The following ITGAD variants were observed in gnomAD, a reference collection of about 807,000 sequenced individuals.
ITGAD encodes the protein integrin alpha-D.
ITGAD carries 105 observed loss-of-function variants against 139.0 expected under a neutral mutation model. That is an observed-to-expected ratio of 0.76 (90% CI 0.65 to 0.89). ITGAD has a LOEUF of 0.89. Ranked by LOEUF, ITGAD falls within the 40% of genes least tolerant of loss-of-function variation. The probability of loss-of-function intolerance (pLI) is 0.00; values close to 1 mark genes in which losing one functional copy is unlikely to be tolerated. For synonymous variants in ITGAD, 569 were observed against 598.3 expected, an observed-to-expected ratio of 0.95 and a Z score of 0.71; for missense variants, 1,384 against 1,487.3, an observed-to-expected ratio of 0.93 and a Z score of 1.14.
chr16:31,420,031 A>T (rs2081978179), intron 23 of ITGAD, among the ~76,000 whole-genome samples: 1 of 152,088 alleles, frequency 6.6e-6, no homozygotes. Flanking sequence ...TTTTAACATG[A>T]AACAAATTCT....
At chr16:31,425,339 G>A (rs951068097) in intron 29 of ITGAD, among the ~76,000 whole-genome samples, 1 of 152,172 alleles carries the variant, frequency 6.6e-6, no homozygotes, top group Non-Finnish European at 1.5e-5. Flanking sequence ...CCAAACTGCT[G>A]GGTTTACAGG....
chr16:31,425,225 C>G (rs1028625924), intron 29 of ITGAD, among the ~76,000 whole-genome samples: 2 of 152,122 alleles, frequency 1.3e-5, no homozygotes, highest in Non-Finnish European at 2.9e-5. Flanking sequence ...GCACACACCA[C>G]CACACCTGGC....
chr16:31,412,716 C>T, intron 14 of ITGAD, 122 bp from the exon 15 acceptor site: 2 of 1,215,294 alleles, frequency 1.6e-6, no homozygotes. Flanking sequence ...TTGGTGACAT[C>T]TGTTCACAGC....
At chr16:31,395,721 G>A (rs2081249517) in intron 2 of ITGAD, among the ~76,000 whole-genome samples, 1 of 152,102 alleles carries the variant, frequency 6.6e-6, no homozygotes, top group African/African-American at 2.4e-5. Flanking sequence ...AAGTCACAAT[G>A]TGACACAGGT....
chr16:31,412,756 T>A, intron 14 of ITGAD, 82 bp from the exon 15 acceptor site: 1 of 1,569,214 alleles, frequency 6.4e-7, no homozygotes, highest in Non-Finnish European at 8.7e-7. Context: ...GCCACCATCC[T>A]ACCTCCATAT....
intron 2 of ITGAD, among the ~76,000 whole-genome samples, chr16:31,396,238 G>A (rs2142571297): frequency 6.6e-6 from 1 of 152,328 alleles, no homozygotes; most frequent in Non-Finnish European, 1.5e-5. Context: ...TTGGGAGGCT[G>A]AGGCGGGTGG....
intron 18 of ITGAD, among the ~76,000 whole-genome samples, chr16:31,415,694 G>A (rs541451418): frequency 1.9e-3 from 286 of 152,052 alleles, no homozygotes; most frequent in African/African-American, 6.5e-3. Flanking sequence ...TTCTCTCCCC[G>A]TTTTCCCCCG....
intron 9 of ITGAD, 60 bp from the exon 10 acceptor site, chr16:31,408,365 G>A: frequency 7.0e-7 from 1 of 1,426,028 alleles, no homozygotes; most frequent in Non-Finnish European, 9.9e-7. Flanking sequence ...TCCTCCCTGT[G>A]TTCTGAGTCC....
At chr16:31,394,362 T>C (rs1213662710) in intron 2 of ITGAD, 21 bp downstream of exon 2, 1 of 1,563,144 alleles carries the variant, frequency 6.4e-7, no homozygotes, top group Admixed American at 1.7e-5. Context: ...CTCACCCTCC[T>C]TCCCCAACCT....
rs774867277 is a variant in ITGAD, at chr16:31,410,870, G to C, written c.1348G>C (p.Gly450Arg). ...RQWRKKAEVT[G>R]TQIGSYFGAS... ...ATGGAGGAAGAAGGCCGAAGTCACAGGGACGCAGGTTGGGCGTGACAGGAG... is the reference window on the plus strand; with the variant it reads ...ATGGAGGAAGAAGGCCGAAGTCACACGGACGCAGGTTGGGCGTGACAGGAG... Residue 450 changes from glycine to arginine, a missense_variant, in exon 12 of 30, where the codon GGG becomes CGG. By Grantham distance (125) the Gly-to-Arg change is moderately radical. Transcript: ENST00000389202. 6.2e-6 allele frequency: 10 copies of C among 1,613,636 alleles called. No individual in the cohort carries two copies. The Admixed American group carries it at 1.5e-4, about 24-fold the overall frequency.
chr16:31,409,975 G>C (rs1317677707), intron 10 of ITGAD, among the ~76,000 whole-genome samples: 1 of 151,444 alleles, frequency 6.6e-6, no homozygotes, highest in Non-Finnish European at 1.5e-5. Context: ...AATGAGCTGA[G>C]TCCCAGAAAA....
At chr16:31,394,142 A>AAAAAAAAG (rs2081206529) in intron 1 of ITGAD, 94 bp from the exon 2 acceptor site, 4 of 560,016 alleles carry the variant, frequency 7.1e-6, no homozygotes, top group East Asian at 4.0e-5. Context: ...AAAAAAAAAA[A>AAAAAAAAG]AAAAAAAAGA....
In ITGAD at chr16:31,402,107, C is replaced by T. The variant is rs529959112; in HGVS notation, c.428-8C>T. 2.5e-6 allele frequency: 4 copies of T among 1,612,804 alleles called. No individual in the cohort carries two copies. Among genetic ancestry groups the T allele is most frequent in the Admixed American group, 1.7e-5 (1 of 59,964 alleles). On this transcript the variant is annotated splice_region_variant and splice_polypyrimidine_tract_variant and intron_variant, in intron 5 of 29. Transcript: ENST00000389202. Reference sequence around the variant, plus strand: ...GTGCATCTCCGATTCCTCCCCATTCCCCCACAGAGTGTCCACATCAAGAGA... The same window carrying T: ...GTGCATCTCCGATTCCTCCCCATTCTCCCACAGAGTGTCCACATCAAGAGA...
At chr16:31,419,232 G>A (rs1433507893) in intron 23 of ITGAD, among the ~76,000 whole-genome samples, 1 of 151,810 alleles carries the variant, frequency 6.6e-6, no homozygotes, top group Admixed American at 6.6e-5. Flanking sequence ...GTCAACAGTG[G>A]ACCCACATTT....
Position 31,426,248 on chromosome 16 carries a change from C to A in ITGAD, c.*120C>A, listed in dbSNP as rs1345410799. On this transcript the variant is annotated 3_prime_UTR_variant, in exon 30 of 30. Coordinates refer to ENST00000389202, the MANE Select transcript of ITGAD (RefSeq NM_005353.3). ...ACTGGCCTAAGCAACCTACCAGGTGCTAAGCACCTTCTCGGAGAGATAGAG... is the reference window on the plus strand; with the variant it reads ...ACTGGCCTAAGCAACCTACCAGGTGATAAGCACCTTCTCGGAGAGATAGAG... The A allele has an allele frequency of 1.3e-5, 9 of 674,114 alleles. No individual in the cohort carries two copies. In the Admixed American group the frequency reaches 2.0e-4, roughly 15 times the overall value. The allele number at this position is 674,114 out of a possible 1,614,324, so 41.8% of individuals were successfully genotyped here. A position where few individuals can be genotyped will look rare whatever the true frequency, so the allele number is the denominator to read the frequency against.
intron 10 of ITGAD, among the ~76,000 whole-genome samples, chr16:31,409,120 C>T (rs1189018124): frequency 2.0e-5 from 3 of 152,050 alleles, no homozygotes; most frequent in African/African-American, 7.2e-5. Flanking sequence ...TGGCGAAACC[C>T]CACCTCTACT....
chr16:31,425,922 C>A (rs1204238605), intron 29 of ITGAD, 93 bp from the exon 30 acceptor site: 1 of 769,314 alleles, frequency 1.3e-6, no homozygotes, highest in Non-Finnish European at 2.3e-6. Flanking sequence ...CTCAGGTGAT[C>A]CACCCTCCTC....
At chr16:31,409,114 G>A (rs866508422) in intron 10 of ITGAD, among the ~76,000 whole-genome samples, 3 of 152,166 alleles carry the variant, frequency 2.0e-5, no homozygotes, top group East Asian at 1.9e-4. Flanking sequence ...CCAACATGGC[G>A]AAACCCCACC....
At position 31,407,794 on chromosome 16, in the gene ITGAD, CCAG is replaced by C; in HGVS notation, c.888_890del (p.Arg297del). On this transcript the variant is annotated inframe_deletion, in exon 9 of 30. Coordinates refer to ENST00000389202, the MANE Select transcript of ITGAD (RefSeq NM_005353.3). ...GGACACGCTTTCCAGGGACCCACTG[CCAG>C]GCAGGAGCTGAATACCATCAGCTCA... is the stretch of plus-strand genomic sequence containing the variant. 1 of 1,613,962 alleles carries C rather than the reference CCAG, an allele frequency of 6.2e-7. No individual in the cohort carries two copies. Among genetic ancestry groups the C allele is most frequent in the Non-Finnish European group, 8.5e-7 (1 of 1,179,848 alleles).
Sources: allele counts gnomAD v4.1 joint callset (sites outside exome capture counted in the v4.1 genomes callset), GRCh38; gene constraint gnomAD v4.1.1; transcripts MANE v1.5; gene names NCBI Gene and HGNC (gene_info 2026-07-23, HGNC 2026-07-21).